The following FHIT variants were observed in gnomAD, a reference collection of about 807,000 sequenced individuals.
The protein encoded by FHIT is fragile histidine triad diadenosine triphosphatase, also known as bis(5'-adenosyl)-triphosphatase.
Under a neutral mutation model 17.9 loss-of-function variants are expected in FHIT, and 19 were observed. That is an observed-to-expected ratio of 1.06 (90% CI 0.74 to 1.56). The LOEUF (loss-of-function observed/expected upper bound fraction) is 1.56. FHIT is among the 40% of genes most tolerant of loss of function. FHIT has a pLI of 0.00. For missense variants in FHIT, 248 were observed against 189.2 expected, an observed-to-expected ratio of 1.31 and a Z score of -1.82; for synonymous variants, 81 against 69.7, an observed-to-expected ratio of 1.16 and a Z score of -0.81.
intron 3 of FHIT, among the ~76,000 whole-genome samples, chr3:60,992,802 C>G (rs1270090532): frequency 6.6e-6 from 1 of 152,180 alleles, no homozygotes. Context: ...GCTCAAGTAC[C>G]TGTGTGCTCT....
intron 4 of FHIT, among the ~76,000 whole-genome samples, chr3:60,641,541 T>C (rs1264064783): frequency 1.3e-5 from 2 of 152,128 alleles, no homozygotes; most frequent in South Asian, 2.1e-4. Flanking sequence ...AAGAATGAAA[T>C]TTACGAGAGT....
At chr3:60,003,605 C>T (rs1248686110) in intron 7 of FHIT, among the ~76,000 whole-genome samples, 1 of 152,022 alleles carries the variant, frequency 6.6e-6, no homozygotes, top group African/African-American at 2.4e-5. Context: ...AATAGCTAGG[C>T]ATGGTGGCTC....
At chr3:60,109,849 A>G (rs1199734176) in intron 5 of FHIT, among the ~76,000 whole-genome samples, 2 of 152,186 alleles carry the variant, frequency 1.3e-5, no homozygotes, top group Non-Finnish European at 2.9e-5. Flanking sequence ...CCACAGTAGC[A>G]GCCAAAATTA....
intron 3 of FHIT, among the ~76,000 whole-genome samples, chr3:61,029,289 G>C (rs1412276328): frequency 6.6e-6 from 1 of 152,160 alleles, no homozygotes; most frequent in East Asian, 1.9e-4. Flanking sequence ...ACCTGGAAAA[G>C]AGCACATGAT....
At chr3:60,325,359 CAGTATG>C (rs1576477685) in intron 5 of FHIT, among the ~76,000 whole-genome samples, 1 of 152,106 alleles carries the variant, frequency 6.6e-6, no homozygotes, top group South Asian at 2.1e-4. Context: ...AAATAATATG[CAGTATG>C]AGTATTAGAG....
rs536470497 is a variant in FHIT, at chr3:60,383,734, G to A, written c.103+153126C>T. ...ATGTGACCATTTAGAGAGTTAGGAGGTACATCTACTATAAAAATAGCATTT... is the reference window on the plus strand; with the variant it reads ...ATGTGACCATTTAGAGAGTTAGGAGATACATCTACTATAAAAATAGCATTT... On this transcript the variant is annotated intron_variant, in intron 5 of 9. Coordinates refer to ENST00000492590, the MANE Select transcript of FHIT (RefSeq NM_002012.4). 4.6e-5 allele frequency among the ~76,000 whole-genome samples: 7 copies of A among 152,178 alleles called. No individual in the cohort carries two copies. The South Asian group carries it at 1.5e-3, about 32-fold the overall frequency.
intron 5 of FHIT, among the ~76,000 whole-genome samples, chr3:60,210,723 G>T (rs577332802): frequency 3.1e-4 from 47 of 152,192 alleles, no homozygotes; most frequent in African/African-American, 1.1e-3. Context: ...TATCTGACAG[G>T]AAAGTCTTAA....
intron 4 of FHIT, among the ~76,000 whole-genome samples, chr3:60,628,755 G>A (rs941252884): frequency 5.3e-5 from 8 of 152,168 alleles, no homozygotes; most frequent in Non-Finnish European, 8.8e-5. Context: ...AATGACCTTA[G>A]TTAGGCTTGA....
intron 2 of FHIT, among the ~76,000 whole-genome samples, chr3:61,197,924 T>C (rs563843369): frequency 4.6e-5 from 7 of 152,244 alleles, no homozygotes; most frequent in South Asian, 2.1e-4. Flanking sequence ...GTGACTTTTC[T>C]GTACCAAACA....
intron 4 of FHIT, among the ~76,000 whole-genome samples, chr3:60,724,619 C>G (rs1162802138): frequency 6.6e-6 from 1 of 151,020 alleles, no homozygotes; most frequent in Non-Finnish European, 1.5e-5. Flanking sequence ...TTCTCCACAT[C>G]CTTGCTAATA....
At chr3:60,594,687 A>T (rs2038202037) in intron 4 of FHIT, among the ~76,000 whole-genome samples, 1 of 152,044 alleles carries the variant, frequency 6.6e-6, no homozygotes, top group South Asian at 2.1e-4. Flanking sequence ...TTCACCAGCC[A>T]CATGTGATGA....
chr3:60,842,993 T>G (rs1882897), intron 3 of FHIT, among the ~76,000 whole-genome samples: 1 of 151,996 alleles, frequency 6.6e-6, no homozygotes, highest in African/African-American at 2.4e-5. Context: ...CAGATAGATA[T>G]AATCTATCAT....
chr3:60,544,033 C>T (rs2107612145), intron 4 of FHIT, among the ~76,000 whole-genome samples: 1 of 149,192 alleles, frequency 6.7e-6, no homozygotes, highest in East Asian at 2.0e-4. Context: ...GCTGGGATTA[C>T]AGGCATGAGC....
chr3:59,778,103 T>C (rs4679608), intron 8 of FHIT, among the ~76,000 whole-genome samples: 46,567 of 152,088 alleles, frequency 0.31, 7,628 homozygotes, highest in East Asian at 0.55. Context: ...GCGGTCTGGG[T>C]CTGATCTGGT....
chr3:59,763,781 G>A (rs548080845), intron 8 of FHIT, among the ~76,000 whole-genome samples: 99 of 152,274 alleles, frequency 6.5e-4, no homozygotes, highest in African/African-American at 2.3e-3. Context: ...GGAGGCATCT[G>A]TATGGTCTGT....
At chr3:60,660,043 G>A (rs144626020) in intron 4 of FHIT, among the ~76,000 whole-genome samples, 1 of 152,258 alleles carries the variant, frequency 6.6e-6, no homozygotes, top group Non-Finnish European at 1.5e-5. Flanking sequence ...CTCTAGGTAT[G>A]AGCGGTGACT....
chr3:60,433,222 T>G (rs528733742), intron 5 of FHIT, among the ~76,000 whole-genome samples: 1 of 152,142 alleles, frequency 6.6e-6, no homozygotes, highest in Non-Finnish European at 1.5e-5. Context: ...TTCAGGTTCA[T>G]CTACATTATC....
chr3:60,840,795 T>C (rs529705908), intron 3 of FHIT, among the ~76,000 whole-genome samples: 1 of 152,314 alleles, frequency 6.6e-6, no homozygotes, highest in South Asian at 2.1e-4. Flanking sequence ...ATATGGCCTA[T>C]CAGTAATGAA....
rs575329261 is a variant in FHIT, at chr3:59,772,836, G to A, written c.349-20515C>T. ...CCACAACTCCAAATTCAGCCCTGTG[G>A]TGGTCAGCGAATATCGAGGGAGAAA... On this transcript the variant is annotated intron_variant, in intron 8 of 9. Transcript: ENST00000492590. Among the ~76,000 whole-genome samples the A allele has an allele frequency of 6.6e-4, 100 of 152,258 alleles. 1 individual carries two copies. Among genetic ancestry groups the A allele is most frequent in the Non-Finnish European group, 9.6e-4 (65 of 68,022 alleles).
Sources: allele counts gnomAD v4.1 joint callset (sites outside exome capture counted in the v4.1 genomes callset), GRCh38; gene constraint gnomAD v4.1.1; transcripts MANE v1.5; gene names NCBI Gene and HGNC (gene_info 2026-07-23, HGNC 2026-07-21).